The following CSNK1G1 variants were observed in gnomAD, a reference collection of about 807,000 sequenced individuals.
CSNK1G1 encodes the protein casein kinase I isoform gamma-1.
In CSNK1G1, 22 loss-of-function variants were observed where a neutral mutation model predicts 59.6. The observed-to-expected ratio is 0.37, with a 90% CI of 0.26 to 0.53. The LOEUF (loss-of-function observed/expected upper bound fraction) is 0.53. Ranked by LOEUF, CSNK1G1 falls within the 20% of genes least tolerant of loss-of-function variation. The pLI is 0.89. For synonymous variants in CSNK1G1, 179 were observed against 177.1 expected, an observed-to-expected ratio of 1.01 and a Z score of -0.08; for missense variants, 384 against 519.5, an observed-to-expected ratio of 0.74 and a Z score of 2.54.
Position 64,330,590 on chromosome 15 carries a change from G to A in CSNK1G1, c.-225+25398C>T, listed in dbSNP as rs1184965593. ...TATCATACTGAATGGGCAAAAACTG[G>A]AAGCATTCCCTTTGAAAACTGGCAC... is the stretch of plus-strand genomic sequence containing the variant. On this transcript the variant is annotated intron_variant, in intron 1 of 11. Transcript: ENST00000303052. 4.3e-5 allele frequency among the ~76,000 whole-genome samples: 3 copies of A among 69,520 alleles called. No homozygotes were observed. In the South Asian group the frequency reaches 2.1e-3, roughly 49 times the overall value. 45.6% of individuals were successfully genotyped at this position (69,520 alleles called of 152,430 possible). A position where few individuals can be genotyped will look rare whatever the true frequency, so the allele number is the denominator to read the frequency against.
At chr15:64,229,018 CAAAAAAAAAAAA>C (rs1218085247) in intron 4 of CSNK1G1, among the ~76,000 whole-genome samples, 1 of 65,924 alleles carries the variant, frequency 1.5e-5, no homozygotes, top group Non-Finnish European at 3.3e-5. Flanking sequence ...GACTCTGTCT[CAAAAAAAAAAAA>C]AAAAAAAAGA....
chr15:64,294,573 T>C (rs573097936), intron 2 of CSNK1G1, among the ~76,000 whole-genome samples: 1 of 152,254 alleles, frequency 6.6e-6, no homozygotes, highest in Admixed American at 6.5e-5. Flanking sequence ...TTGCTTTGAT[T>C]ACTACTTTTT....
At chr15:64,269,366 G>T (rs1336090952) in intron 2 of CSNK1G1, among the ~76,000 whole-genome samples, 1 of 151,966 alleles carries the variant, frequency 6.6e-6, no homozygotes, top group Non-Finnish European at 1.5e-5. Flanking sequence ...GCTCATTCTT[G>T]GTGTGTTCAG....
chr15:64,182,131 T>A lies in CSNK1G1; in HGVS notation c.1108-1677A>T, dbSNP rs574221413. Among the ~76,000 whole-genome samples, 28 of 142,818 alleles carry A rather than the reference T, an allele frequency of 2.0e-4. No individual in the cohort carries two copies. In the South Asian group the frequency reaches 6.6e-3, roughly 34 times the overall value. 93.7% of individuals were successfully genotyped at this position (142,818 alleles called of 152,430 possible). ...CAGGCTGGAGTGCAGTGGCATGATC[T>A]CGGCTCACTGCAACCTCTACCTCCC... is the stretch of plus-strand genomic sequence containing the variant. On this transcript the variant is annotated intron_variant, in intron 10 of 11. Coordinates refer to ENST00000303052, the MANE Select transcript of CSNK1G1 (RefSeq NM_022048.5).
chr15:64,254,885 GC>G (rs2140323885), intron 3 of CSNK1G1, among the ~76,000 whole-genome samples: 1 of 152,240 alleles, frequency 6.6e-6, no homozygotes, highest in African/African-American at 2.4e-5. Context: ...ATGTCATGAA[GC>G]TTTTCCCATG....
intron 7 of CSNK1G1, among the ~76,000 whole-genome samples, chr15:64,205,346 C>T (rs2082162810): frequency 6.6e-6 from 1 of 152,020 alleles, no homozygotes; most frequent in Non-Finnish European, 1.5e-5. Flanking sequence ...ACTGCTAATC[C>T]AGGTGGGGGA....
intron 4 of CSNK1G1, among the ~76,000 whole-genome samples, chr15:64,234,170 C>G (rs2082584789): frequency 6.6e-6 from 1 of 152,184 alleles, no homozygotes; most frequent in African/African-American, 2.4e-5. Flanking sequence ...AGAGGAACAA[C>G]TGTGACATTA....
intron 2 of CSNK1G1, among the ~76,000 whole-genome samples, chr15:64,272,234 G>A (rs1214791650): frequency 2.1e-5 from 3 of 142,816 alleles, no homozygotes; most frequent in African/African-American, 7.8e-5. Context: ...TTTTTCTTTT[G>A]AGATGGAGTC....
chr15:64,344,040 T>A (rs1007488068), intron 1 of CSNK1G1, among the ~76,000 whole-genome samples: 1 of 152,002 alleles, frequency 6.6e-6, no homozygotes, highest in Non-Finnish European at 1.5e-5. Context: ...CCTTCCCCAA[T>A]AAATAAATTG....
chr15:64,276,444 C>T (rs1311136148), intron 2 of CSNK1G1, among the ~76,000 whole-genome samples: 1 of 152,130 alleles, frequency 6.6e-6, no homozygotes, highest in African/African-American at 2.4e-5. Flanking sequence ...ATCATTTTAT[C>T]AGTAAATATT....
chr15:64,221,956 A>G (rs2082393739), intron 4 of CSNK1G1, among the ~76,000 whole-genome samples: 1 of 152,140 alleles, frequency 6.6e-6, no homozygotes, highest in Admixed American at 6.6e-5. Flanking sequence ...AAATCATTCT[A>G]CTATAAAGAC....
At chr15:64,173,112 T>C (rs1159786692) in intron 11 of CSNK1G1, among the ~76,000 whole-genome samples, 3 of 152,174 alleles carry the variant, frequency 2.0e-5, no homozygotes, top group African/African-American at 7.2e-5. Context: ...GAAAAAACTA[T>C]CTTTGAGTCT....
intron 1 of CSNK1G1, among the ~76,000 whole-genome samples, chr15:64,321,710 C>A (rs1896574794): frequency 6.6e-6 from 1 of 152,186 alleles, no homozygotes; most frequent in South Asian, 2.1e-4. Context: ...AAGCCATGAA[C>A]ACGGTAAATT....
intron 1 of CSNK1G1, among the ~76,000 whole-genome samples, chr15:64,307,966 G>A (rs1181119898): frequency 3.3e-5 from 5 of 152,038 alleles, no homozygotes; most frequent in African/African-American, 4.8e-5. Context: ...GATTACAGGC[G>A]TGAACCACCG....
In CSNK1G1 at chr15:64,216,452, T is replaced by G; in HGVS notation, c.444+110A>C. The G allele has an allele frequency of 6.5e-6, 7 of 1,075,776 alleles. No homozygotes were observed. Among genetic ancestry groups the G allele is most frequent in the Non-Finnish European group, 8.1e-6 (6 of 740,984 alleles). The allele number at this position is 1,075,776 out of a possible 1,614,324, so 66.6% of individuals were successfully genotyped here. ...GCTTCCCAGAATGCCATCAAGCCTG[T>G]GAGTACTAATTCTTGATGTGTTGCT... is the stretch of plus-strand genomic sequence containing the variant. On this transcript the variant is annotated intron_variant, in intron 5 of 11. Coordinates refer to ENST00000303052, the MANE Select transcript of CSNK1G1 (RefSeq NM_022048.5). The surrounding 1 kb of genome is among the most constrained non-coding windows in gnomAD (Gnocchi z 4.6).
In CSNK1G1 at chr15:64,168,714, A is replaced by T. The variant is rs1200351855; in HGVS notation, c.*3217T>A. 6.6e-6 allele frequency: 1 copy of T among 152,236 alleles called. No individual in the cohort carries two copies. The allele number at this position is 152,236 out of a possible 1,614,324, so 9.4% of individuals were successfully genotyped here. On this transcript the variant is annotated 3_prime_UTR_variant, in exon 12 of 12. Coordinates refer to ENST00000303052, the MANE Select transcript of CSNK1G1 (RefSeq NM_022048.5). ...GTCAGCGAGTGCATGCCCTAACCCC[A>T]AGGATCTGGCTGAGGCATACAGCTA...
At chr15:64,178,553 C>G (rs1238707425) in intron 11 of CSNK1G1, among the ~76,000 whole-genome samples, 1 of 149,642 alleles carries the variant, frequency 6.7e-6, no homozygotes, top group African/African-American at 2.5e-5. Flanking sequence ...ACAATCTCGA[C>G]TCACCACAAC....
rs998230763 is a variant in CSNK1G1 at position 64,210,462 on chromosome 15, T to C, written c.680-2868A>G. 6.6e-6 allele frequency among the ~76,000 whole-genome samples: 1 copy of C among 152,186 alleles called. No homozygotes were observed. Among genetic ancestry groups the C allele is most frequent in the Non-Finnish European group, 1.5e-5 (1 of 68,034 alleles). On this transcript the variant is annotated intron_variant, in intron 6 of 11. Transcript: ENST00000303052. The surrounding 1 kb of genome is among the most constrained non-coding windows in gnomAD (Gnocchi z 4.2). ...ATTTCTACATGCCCTCATTTTTTCATGCAGCATATTTTCATTTTCAAAGAA... is the reference window on the plus strand; with the variant it reads ...ATTTCTACATGCCCTCATTTTTTCACGCAGCATATTTTCATTTTCAAAGAA...
At chr15:64,185,429 T>C (rs978329526) in intron 10 of CSNK1G1, among the ~76,000 whole-genome samples, 7 of 152,178 alleles carry the variant, frequency 4.6e-5, no homozygotes, top group Admixed American at 3.3e-4. Context: ...GAGCTGAACA[T>C]AGTATTAGGT....
Sources: gnomAD v4.1 joint callset for allele counts (sites outside exome capture counted in the v4.1 genomes callset) on GRCh38, gnomAD v4.1.1 for gene constraint, Gnocchi (gnomAD v3.1) non-coding constraint, MANE v1.5 for transcripts, NCBI Gene and HGNC (gene_info 2026-07-23, HGNC 2026-07-21) for gene names.